C16orf54: variants seen among roughly 807,000 people sequenced by gnomAD.
C16orf54 encodes chromosome 16 open reading frame 54.
Under a neutral mutation model 3.9 loss-of-function variants are expected in C16orf54, and 2 were observed. The observed-to-expected ratio is 0.52, with a 90% CI of 0.21 to 1.63. The LOEUF is 1.63. C16orf54 is among the 40% of genes most tolerant of loss of function. The pLI, the probability that C16orf54 is intolerant of heterozygous loss-of-function variation, is 0.21. For missense variants in C16orf54, 272 were observed against 326.3 expected (o/e 0.83, Z 1.28); for synonymous variants, 128 against 135.1 (o/e 0.95, Z 0.37).
At position 29,744,909 on chromosome 16, in the gene C16orf54, G is replaced by A. The variant is rs376393110; in HGVS notation, c.43C>T (p.Pro15Ser). Reference protein sequence around the residue: ...PEPPSGRVEGPPAWEAAPWPS... With the variant: ...PEPPSGRVEGSPAWEAAPWPS... ...CATGGGGCTGCTTCCCATGCGGGGG[G>A]CCCCTCCACGCGCCCAGAGGGCGGC... Residue 15 changes from proline (P) to serine (S), a missense_variant, in exon 2 of 2, where the codon CCC becomes TCC. By Grantham distance (74) the Pro-to-Ser change is moderately conservative. Coordinates refer to ENST00000329410, the MANE Select transcript of C16orf54 (RefSeq NM_175900.4). The surrounding 1 kb of genome is among the most constrained non-coding windows in gnomAD (Gnocchi z 7.1). 1.4e-5 allele frequency: 20 copies of A among 1,466,110 alleles called. No individual in the cohort carries two copies. Among genetic ancestry groups the A allele is most frequent in the Middle Eastern group, 1.9e-4 (1 of 5,396 alleles). 90.8% of individuals were successfully genotyped at this position (1,466,110 alleles called of 1,614,324 possible).
chr16:29,744,260 T>C lies in C16orf54; in HGVS notation c.*17A>G, dbSNP rs748615663. 3.1e-6 allele frequency: 5 copies of C among 1,609,280 alleles called. No individual in the cohort carries two copies. The highest frequency in any genetic ancestry group is 2.2e-5 in the East Asian group (1 of 44,850). ...AGGCAAGGCCTGCCTCGGGGATCTC[T>C]GGGGAACCCTGGGGATTCAGAACCC... On this transcript the variant is annotated 3_prime_UTR_variant, in exon 2 of 2. Coordinates refer to ENST00000329410, the MANE Select transcript of C16orf54 (RefSeq NM_175900.4). The surrounding 1 kb of genome is among the most constrained non-coding windows in gnomAD (Gnocchi z 7.1).
chr16:29,743,248 T>TAAA lies in C16orf54; in HGVS notation c.*1028_*1029insTTT, dbSNP rs1968085298. 4 of 2,018 alleles carry TAAA rather than the reference T, an allele frequency of 2.0e-3. No homozygotes were observed. The highest frequency in any genetic ancestry group is 2.6e-3 in the Non-Finnish European group (2 of 770). The allele number at this position is 2,018 out of a possible 1,614,324, so 0.1% of individuals were successfully genotyped here. A position where few individuals can be genotyped will look rare whatever the true frequency, so the allele number is the denominator to read the frequency against. On this transcript the variant is annotated 3_prime_UTR_variant, in exon 2 of 2. Transcript: ENST00000329410. Reference sequence around the variant, plus strand: ...TGGGTGACAGAGTTGAGATTCTGTCTCAAAAAAAAAAAAAAAAAAAAAAAA... The same window carrying TAAA: ...TGGGTGACAGAGTTGAGATTCTGTCTAAACAAAAAAAAAAAAAAAAAAAAAAAA...
chr16:29,745,467 C>T (rs1165347981), intron 1 of C16orf54: 1 of 152,806 alleles, frequency 6.5e-6, no homozygotes, highest in Non-Finnish European at 1.5e-5. Context: ...CTCTCCAGGC[C>T]TTTCCAGAAT....
intron 1 of C16orf54, among the ~76,000 whole-genome samples, 157 bp downstream of exon 1, chr16:29,745,754 G>A (rs960358028): frequency 2.6e-5 from 4 of 152,126 alleles, no homozygotes; most frequent in Non-Finnish European, 4.4e-5. Flanking sequence ...CTGCCGGGCC[G>A]GGCCGGGCCA....
rs760706108 is a variant in C16orf54, at chr16:29,744,750, G to C, written c.202C>G (p.Arg68Gly). The C allele has an allele frequency of 2.1e-6, 3 of 1,461,400 alleles. No homozygotes were observed. Among genetic ancestry groups the C allele is most frequent in the Non-Finnish European group, 2.7e-6 (3 of 1,107,850 alleles). 90.5% of individuals were successfully genotyped at this position (1,461,400 alleles called of 1,614,324 possible). ...GGGCGCCACACCAGGGTGGGTGCAC[G>C]GTGGCTGGGGTCTGGGCGGAGAGCA... ...RRALRPDPSH[R>G]APTLVWRPGG... The change falls in exon 2 of 2, where the codon CGT becomes GGT. Residue 68 changes from arginine (R) to glycine (G), a missense_variant. Transcript: ENST00000329410. This position sits in a 1 kb window ranked among gnomAD's most constrained non-coding sequence, Gnocchi z 7.1.
chr16:29,744,519 C>T lies in C16orf54; in HGVS notation c.433G>A (p.Val145Ile), dbSNP rs1365612285. 8.5e-6 allele frequency: 13 copies of T among 1,522,036 alleles called. No homozygotes were observed. Among genetic ancestry groups the T allele is most frequent in the South Asian group, 3.7e-5 (3 of 80,976 alleles). The allele number at this position is 1,522,036 out of a possible 1,614,324, so 94.3% of individuals were successfully genotyped here. The change falls in exon 2 of 2, where the codon GTC (valine) becomes ATC (isoleucine). Residue 145 changes from valine to isoleucine, a missense_variant. Transcript: ENST00000329410. The surrounding 1 kb of genome is among the most constrained non-coding windows in gnomAD (Gnocchi z 7.1). ...SNLGPQTVLE[V>I]PARSTFWGPQ... ...CCCCAGAAGGTGCTCCGGGCTGGGACCTCCAGTACGGTCTGGGGGCCCAAG... is the reference window on the plus strand; with the variant it reads ...CCCCAGAAGGTGCTCCGGGCTGGGATCTCCAGTACGGTCTGGGGGCCCAAG...
Position 29,744,767 on chromosome 16 carries a change from C to A in C16orf54, c.185G>T (p.Arg62Leu). 6.9e-7 allele frequency: 1 copy of A among 1,459,170 alleles called. No individual in the cohort carries two copies. The highest frequency in any genetic ancestry group is 9.0e-7 in the Non-Finnish European group (1 of 1,107,044). The allele number at this position is 1,459,170 out of a possible 1,614,324, so 90.4% of individuals were successfully genotyped here. The change falls in exon 2 of 2, where the codon CGC becomes CTC. Residue 62 changes from arginine (R) to leucine (L), a missense_variant. Physicochemically the swap from Arg to Leu is moderately radical, Grantham distance 102. Transcript: ENST00000329410. This position sits in a 1 kb window ranked among gnomAD's most constrained non-coding sequence, Gnocchi z 7.1. ...GGGTGCACGGTGGCTGGGGTCTGGG[C>A]GGAGAGCACGGCGGAACAGGCGTTC... ...LAERLFRRAL[R>L]PDPSHRAPTL...
rs990675790 is a variant in C16orf54 at position 29,743,931 on chromosome 16, G to A, written c.*346C>T. On this transcript the variant is annotated 3_prime_UTR_variant, in exon 2 of 2. Transcript: ENST00000329410. ...CGTTCTCTTTGGTATTGGTGGCTTCGGTAAACACTGAAAGAAGGTGGAGGT... is the reference window on the plus strand; with the variant it reads ...CGTTCTCTTTGGTATTGGTGGCTTCAGTAAACACTGAAAGAAGGTGGAGGT... 9 of 340,280 alleles carry A rather than the reference G, an allele frequency of 2.6e-5. No individual in the cohort carries two copies. Among genetic ancestry groups the A allele is most frequent in the African/African-American group, 1.5e-4 (7 of 45,384 alleles). 21.1% of individuals were successfully genotyped at this position (340,280 alleles called of 1,614,324 possible).
rs1968113591 is a variant in C16orf54 at position 29,744,637 on chromosome 16, A to G, written c.315T>C (p.Asp105=). The change falls in exon 2 of 2, where the codon GAT becomes GAC. Residue 105 remains aspartate, a synonymous_variant. Coordinates refer to ENST00000329410, the MANE Select transcript of C16orf54 (RefSeq NM_175900.4). The surrounding 1 kb of genome is among the most constrained non-coding windows in gnomAD (Gnocchi z 7.1). The part of the protein sequence containing the change: ...WYGSAVPLLT[D]RAPEPPTQVG... ...CCTGGGTGGGAGGCTCAGGGGCCCG[A>G]TCTGTCAGCAGGGGGACCGCAGAGC... 1 of 1,468,378 alleles carries G rather than the reference A, an allele frequency of 6.8e-7. No individual in the cohort carries two copies. The highest frequency in any genetic ancestry group is 9.0e-7 in the Non-Finnish European group (1 of 1,110,564). 91.0% of individuals were successfully genotyped at this position (1,468,378 alleles called of 1,614,324 possible).
Position 29,744,860 on chromosome 16 carries a change from C to T in C16orf54, c.92G>A (p.Cys31Tyr). 6.8e-7 allele frequency: 1 copy of T among 1,473,542 alleles called. No homozygotes were observed. The highest frequency in any genetic ancestry group is 9.0e-7 in the Non-Finnish European group (1 of 1,116,330). 91.3% of individuals were successfully genotyped at this position (1,473,542 alleles called of 1,614,324 possible). The change falls in exon 2 of 2, where the codon TGC becomes TAC. Residue 31 changes from cysteine to tyrosine, a missense_variant. Coordinates refer to ENST00000329410, the MANE Select transcript of C16orf54 (RefSeq NM_175900.4). The surrounding 1 kb of genome is among the most constrained non-coding windows in gnomAD (Gnocchi z 7.1). The stretch of plus-strand genomic sequence containing the variant: ...GGCCAGGACCAGCATGATGGGGATG[C>T]AGGGCCCACAGGGCAGTGAGGGCCA... The part of the protein sequence containing the change: ...APWPSLPCGP[C>Y]IPIMLVLATL...
chr16:29,745,636 T>C (rs1968126880), intron 1 of C16orf54, among the ~76,000 whole-genome samples: 1 of 152,058 alleles, frequency 6.6e-6, no homozygotes, highest in Admixed American at 6.6e-5. Context: ...CCTGCGTGTG[T>C]CTCCCCCACC....
At position 29,744,253 on chromosome 16, in the gene C16orf54, G is replaced by T. The variant is rs758114934; in HGVS notation, c.*24C>A. 6 of 1,605,024 alleles carry T rather than the reference G, an allele frequency of 3.7e-6. No homozygotes were observed. In the Admixed American group the frequency reaches 8.4e-5, roughly 22 times the overall value. On this transcript the variant is annotated 3_prime_UTR_variant, in exon 2 of 2. Transcript: ENST00000329410. The surrounding 1 kb of genome is among the most constrained non-coding windows in gnomAD (Gnocchi z 7.1). The stretch of plus-strand genomic sequence containing the variant: ...CCCACTGAGGCAAGGCCTGCCTCGG[G>T]GATCTCTGGGGAACCCTGGGGATTC...
At position 29,744,687 on chromosome 16, in the gene C16orf54, G is replaced by T; in HGVS notation, c.265C>A (p.Arg89=). 6.8e-7 allele frequency: 1 copy of T among 1,470,356 alleles called. No homozygotes were observed. Among genetic ancestry groups the T allele is most frequent in the African/African-American group, 1.4e-5 (1 of 70,316 alleles). The allele number at this position is 1,470,356 out of a possible 1,614,324, so 91.1% of individuals were successfully genotyped here. A position where few individuals can be genotyped will look rare whatever the true frequency, so the allele number is the denominator to read the frequency against. Residue 89 remains arginine, a synonymous_variant, in exon 2 of 2, where the codon CGA becomes AGA. Transcript: ENST00000329410. The surrounding 1 kb of genome is among the most constrained non-coding windows in gnomAD (Gnocchi z 7.1). The part of the protein sequence containing the change: ...ELWIEPMGTA[R]ERSEDWYGSA... ...CCATACCAGTCCTCAGAGCGCTCTC[G>T]GGCGGTGCCCATGGGCTCAATCCAC...
intron 1 of C16orf54, among the ~76,000 whole-genome samples, chr16:29,745,660 A>C (rs1596818423): frequency 6.6e-6 from 1 of 150,904 alleles, no homozygotes; most frequent in Admixed American, 6.6e-5. Flanking sequence ...TGCCGCCAGC[A>C]CCTCCGCTGG....
intron 1 of C16orf54, 73 bp from the exon 2 acceptor site, chr16:29,745,024 C>G (rs1274265188): frequency 1.5e-6 from 2 of 1,320,330 alleles, no homozygotes; most frequent in Non-Finnish European, 1.9e-6. Flanking sequence ...AGAGAGGCAG[C>G]AGGTGTCCAG....
chr16:29,745,613 T>A (rs573536792), intron 1 of C16orf54, among the ~76,000 whole-genome samples: 1 of 151,988 alleles, frequency 6.6e-6, no homozygotes, highest in Non-Finnish European at 1.5e-5. Flanking sequence ...GAACCTCCCC[T>A]CCCACTGGCT....
chr16:29,744,288 C>G lies in C16orf54; in HGVS notation c.664G>C (p.Val222Leu). Residue 222 changes from valine to leucine, a missense_variant, in exon 2 of 2, where the codon GTG becomes CTG. Coordinates refer to ENST00000329410, the MANE Select transcript of C16orf54 (RefSeq NM_175900.4). The surrounding 1 kb of genome is among the most constrained non-coding windows in gnomAD (Gnocchi z 7.1). The part of the protein sequence containing the change: ...AFWKREGRTS[V>L]GF ...GGAACCCTGGGGATTCAGAACCCCACACTGGTCCGGCCTTCACGCTTCCAG... is the reference window on the plus strand; with the variant it reads ...GGAACCCTGGGGATTCAGAACCCCAGACTGGTCCGGCCTTCACGCTTCCAG... 1 of 1,612,836 alleles carries G rather than the reference C, an allele frequency of 6.2e-7. No individual in the cohort carries two copies. The highest frequency in any genetic ancestry group is 8.5e-7 in the Non-Finnish European group (1 of 1,179,928).
Position 29,744,912 on chromosome 16 carries a change from C to A in C16orf54, c.40G>T (p.Gly14Trp). 6.8e-7 allele frequency: 1 copy of A among 1,464,846 alleles called. No homozygotes were observed. The highest frequency in any genetic ancestry group is 9.0e-7 in the Non-Finnish European group (1 of 1,110,686). The allele number at this position is 1,464,846 out of a possible 1,614,324, so 90.7% of individuals were successfully genotyped here. A position where few individuals can be genotyped will look rare whatever the true frequency, so the allele number is the denominator to read the frequency against. ...GGGGCTGCTTCCCATGCGGGGGGCC[C>A]CTCCACGCGCCCAGAGGGCGGCTCT... ...TPEPPSGRVE[G>W]PPAWEAAPWP... The change falls in exon 2 of 2, where the codon GGG (glycine) becomes TGG (tryptophan). Residue 14 changes from glycine to tryptophan, a missense_variant. By Grantham distance (184) the Gly-to-Trp change is radical. Transcript: ENST00000329410. This position sits in a 1 kb window ranked among gnomAD's most constrained non-coding sequence, Gnocchi z 7.1.
chr16:29,743,974 T>C lies in C16orf54; in HGVS notation c.*303A>G, dbSNP rs1968101824. 6.7e-6 allele frequency: 3 copies of C among 445,856 alleles called. No homozygotes were observed. The highest frequency in any genetic ancestry group is 1.2e-5 in the Non-Finnish European group (3 of 251,020). 27.6% of individuals were successfully genotyped at this position (445,856 alleles called of 1,614,324 possible). A position where few individuals can be genotyped will look rare whatever the true frequency, so the allele number is the denominator to read the frequency against. ...GTGGAGGTGGCTGGTCGATGCCATTTCCTGACTATCTAGTACCTTGGGTTC... is the reference window on the plus strand; with the variant it reads ...GTGGAGGTGGCTGGTCGATGCCATTCCCTGACTATCTAGTACCTTGGGTTC... On this transcript the variant is annotated 3_prime_UTR_variant, in exon 2 of 2. Transcript: ENST00000329410.
Sources: allele counts gnomAD v4.1 joint callset (sites outside exome capture counted in the v4.1 genomes callset), GRCh38; gene constraint gnomAD v4.1.1; non-coding constraint Gnocchi (gnomAD v3.1); transcripts MANE v1.5; gene names NCBI Gene and HGNC (gene_info 2026-07-23, HGNC 2026-07-21).